Variants in MLLT3 observed in about 807,000 individuals in gnomAD.
The protein encoded by MLLT3 is protein AF-9.
In MLLT3, 4 loss-of-function variants were observed where a neutral mutation model predicts 53.2. That is an observed-to-expected ratio of 0.08 (90% confidence interval 0.04 to 0.17). The LOEUF (loss-of-function observed/expected upper bound fraction) is 0.17, where lower values mean the gene tolerates loss of function less well. MLLT3 is among the 10% of genes least tolerant of loss of function. The pLI, the probability that MLLT3 is intolerant of heterozygous loss-of-function variation, is 1.00. For missense variants in MLLT3, 569 were observed against 684.0 expected, an observed-to-expected ratio of 0.83 and a Z score of 1.87; for synonymous variants, 283 against 230.6, an observed-to-expected ratio of 1.23 and a Z score of -2.06.
intron 8 of MLLT3, among the ~76,000 whole-genome samples, chr9:20,356,199 C>T (rs948271627): frequency 2.0e-5 from 3 of 152,108 alleles, no homozygotes; most frequent in Non-Finnish European, 4.4e-5. Flanking sequence ...GAATAATGCA[C>T]GAGTAAAAAG....
intron 2 of MLLT3, among the ~76,000 whole-genome samples, chr9:20,594,646 G>C (rs1820209240): frequency 6.6e-6 from 1 of 152,136 alleles, no homozygotes; most frequent in African/African-American, 2.4e-5. Flanking sequence ...TAAAGACCCT[G>C]CTTACAAAAC....
rs1372789068 is a variant in MLLT3 at position 20,621,192 on chromosome 9, G to A, written c.13-358C>T. On this transcript the variant is annotated intron_variant, in intron 1 of 10. Coordinates refer to ENST00000380338, the MANE Select transcript of MLLT3 (RefSeq NM_004529.4). The surrounding 1 kb of genome is among the most constrained non-coding windows in gnomAD (Gnocchi z 7.0). ...AAACAAATCAGAAGGCGATGCCGGGGCGGTTTCCCGGCGTGGGAGGGGAGG... is the reference window on the plus strand; with the variant it reads ...AAACAAATCAGAAGGCGATGCCGGGACGGTTTCCCGGCGTGGGAGGGGAGG... Among the ~76,000 whole-genome samples, 3 of 152,200 alleles carry A rather than the reference G, an allele frequency of 2.0e-5. No individual in the cohort carries two copies. The highest frequency in any genetic ancestry group is 4.4e-5 in the Non-Finnish European group (3 of 68,026).
chr9:20,600,445 C>A (rs1055175582), intron 2 of MLLT3, among the ~76,000 whole-genome samples: 3 of 152,186 alleles, frequency 2.0e-5, no homozygotes, highest in African/African-American at 7.2e-5. Flanking sequence ...CTTAACCAAC[C>A]CCAACTGGTG....
chr9:20,590,450 G>C (rs1485494842), intron 2 of MLLT3, among the ~76,000 whole-genome samples: 1 of 152,194 alleles, frequency 6.6e-6, no homozygotes, highest in African/African-American at 2.4e-5. Flanking sequence ...CCCCCACGCT[G>C]TTCTCATGAT....
At chr9:20,570,519 T>G (rs1340430096) in intron 2 of MLLT3, among the ~76,000 whole-genome samples, 2 of 152,222 alleles carry the variant, frequency 1.3e-5, no homozygotes, top group Admixed American at 1.3e-4. Context: ...CATCAAACTA[T>G]TTTTGTTTAA....
At chr9:20,551,461 C>G (rs17685306) in intron 2 of MLLT3, among the ~76,000 whole-genome samples, 22,832 of 152,122 alleles carry the variant, frequency 0.15, 2,328 homozygotes, top group Middle Eastern at 0.24. Flanking sequence ...TGGGAAAAGT[C>G]CAGAAGCATA....
chr9:20,478,156 G>C (rs1824572004), intron 2 of MLLT3, among the ~76,000 whole-genome samples: 1 of 152,126 alleles, frequency 6.6e-6, no homozygotes, highest in Non-Finnish European at 1.5e-5. Context: ...GGTGATCACA[G>C]ATTCTCGGTG....
chr9:20,529,724 C>CTTTTTT (rs5896896), intron 2 of MLLT3, among the ~76,000 whole-genome samples: 33 of 76,406 alleles, frequency 4.3e-4, no homozygotes, highest in African/African-American at 4.8e-4. Flanking sequence ...TAATCCAATC[C>CTTTTTT]TTTTTTTTTT....
chr9:20,581,549 G>C (rs1357211084), intron 2 of MLLT3, among the ~76,000 whole-genome samples: 2 of 151,926 alleles, frequency 1.3e-5, no homozygotes, highest in South Asian at 4.2e-4. Flanking sequence ...TAAACTAAAG[G>C]ATCTATGCAA....
At chr9:20,367,422 T>A (rs190237486) in intron 5 of MLLT3, among the ~76,000 whole-genome samples, 2 of 152,204 alleles carry the variant, frequency 1.3e-5, no homozygotes, top group African/African-American at 4.8e-5. Context: ...CTCTTGTACT[T>A]AGCATAATGC....
chr9:20,586,976 T>C lies in MLLT3; in HGVS notation c.193+33678A>G, dbSNP rs76403938. 6.4e-3 allele frequency among the ~76,000 whole-genome samples: 976 copies of C among 152,262 alleles called. 9 individuals are homozygous for C. The highest frequency in any genetic ancestry group is 0.022 in the African/African-American group (930 of 41,556). On this transcript the variant is annotated intron_variant, in intron 2 of 10. Transcript: ENST00000380338. ...AACAAAAGCATGATTCTTTCCTAAG[T>C]AGAAGATGTGATGAATTAATTTTCC...
At chr9:20,539,042 T>C (rs1818557870) in intron 2 of MLLT3, among the ~76,000 whole-genome samples, 1 of 152,220 alleles carries the variant, frequency 6.6e-6, no homozygotes. Flanking sequence ...TGGGGAGCAG[T>C]AATGCCTGGA....
chr9:20,451,815 G>C (rs1452916681), intron 3 of MLLT3, among the ~76,000 whole-genome samples: 1 of 152,150 alleles, frequency 6.6e-6, no homozygotes, highest in Non-Finnish European at 1.5e-5. Context: ...CTGAAAGAAA[G>C]AAGCCTGCGA....
chr9:20,459,555 T>C (rs907975970), intron 2 of MLLT3, among the ~76,000 whole-genome samples: 6 of 152,228 alleles, frequency 3.9e-5, no homozygotes, highest in East Asian at 1.9e-4. Context: ...GCCAATGTCA[T>C]TGGAAGGTAG....
intron 4 of MLLT3, among the ~76,000 whole-genome samples, chr9:20,441,410 A>G (rs1318923278): frequency 6.6e-6 from 1 of 152,142 alleles, no homozygotes; most frequent in East Asian, 1.9e-4. Context: ...TCGACATTAC[A>G]TTTGGAATTA....
At chr9:20,348,556 T>A (rs1255155179) in intron 10 of MLLT3, among the ~76,000 whole-genome samples, 1 of 152,202 alleles carries the variant, frequency 6.6e-6, no homozygotes. Flanking sequence ...TAAGCCACTA[T>A]CTCGACCACG....
intron 4 of MLLT3, among the ~76,000 whole-genome samples, chr9:20,424,603 A>G (rs1823096977): frequency 6.6e-6 from 1 of 152,214 alleles, no homozygotes; most frequent in East Asian, 1.9e-4. Flanking sequence ...AATATTTTAC[A>G]CAAAAACAGG....
intron 5 of MLLT3, among the ~76,000 whole-genome samples, chr9:20,371,942 G>A (rs1315372066): frequency 6.6e-6 from 1 of 152,184 alleles, no homozygotes; most frequent in Non-Finnish European, 1.5e-5. Flanking sequence ...CACAAGAGAA[G>A]ATCAAAATAT....
intron 2 of MLLT3, among the ~76,000 whole-genome samples, chr9:20,510,866 T>C (rs541074256): frequency 1.3e-5 from 2 of 152,136 alleles, no homozygotes; most frequent in Admixed American, 6.5e-5. Flanking sequence ...TTTAAAGATA[T>C]GTACTCAAGA....
Sources: gnomAD v4.1 joint callset for allele counts (sites outside exome capture counted in the v4.1 genomes callset) on GRCh38, gnomAD v4.1.1 for gene constraint, Gnocchi (gnomAD v3.1) non-coding constraint, MANE v1.5 for transcripts, NCBI Gene and HGNC (gene_info 2026-07-23, HGNC 2026-07-21) for gene names.